Variants in GRIP1 observed in about 807,000 individuals in gnomAD.
GRIP1 encodes the protein glutamate receptor-interacting protein 1.
GRIP1 carries 45 observed loss-of-function variants against 129.9 expected under a neutral mutation model. The observed-to-expected ratio is 0.35, with a 90% CI of 0.27 to 0.44. The LOEUF (loss-of-function observed/expected upper bound fraction) is 0.44, where lower values mean the gene tolerates loss of function less well. Among genes scored for constraint, GRIP1 ranks in the 20% least tolerant of loss-of-function variants. The probability of loss-of-function intolerance (pLI) is 1.00; values close to 1 mark genes in which losing one functional copy is unlikely to be tolerated. For synonymous variants in GRIP1, 530 were observed against 520.8 expected (o/e 1.02, Z -0.24); for missense variants, 1,196 against 1,396.8 (o/e 0.86, Z 2.29).
rs900207523 is a variant in GRIP1, at chr12:66,887,832, T to C, written c.58+181218A>G. ...GCCAGAGAAGATATTTATTCCTAGA[T>C]GCACCCTCCACCAAAAGAGAAAAAA... On this transcript the variant is annotated intron_variant, in intron 1 of 1. Coordinates refer to the GRIP1 transcript ENST00000643019. 5.3e-5 allele frequency among the ~76,000 whole-genome samples: 8 copies of C among 152,252 alleles called. 1 individual carries two copies. Among genetic ancestry groups the C allele is most frequent in the Non-Finnish European group, 1.2e-4 (8 of 68,014 alleles).
At chr12:66,548,396 A>C (rs1397574922) in intron 2 of GRIP1, among the ~76,000 whole-genome samples, 1 of 152,226 alleles carries the variant, frequency 6.6e-6, no homozygotes, top group African/African-American at 2.4e-5. Context: ...GCTCTCTTGA[A>C]AGCCATTACT....
chr12:66,551,835 G>A (rs1333389302), intron 2 of GRIP1, among the ~76,000 whole-genome samples: 1 of 152,096 alleles, frequency 6.6e-6, no homozygotes, highest in East Asian at 1.9e-4. Flanking sequence ...TCCTGCCTCA[G>A]CCTACCAAAG....
intron 23 of GRIP1, among the ~76,000 whole-genome samples, chr12:66,362,520 A>G (rs2054837700): frequency 6.6e-6 from 1 of 151,902 alleles, no homozygotes; most frequent in Non-Finnish European, 1.5e-5. Context: ...GAGGAGGAGG[A>G]CGATAGGACT....
chr12:66,581,232 A>T (rs2063365388), intron 2 of GRIP1, among the ~76,000 whole-genome samples: 1 of 152,134 alleles, frequency 6.6e-6, no homozygotes, highest in Non-Finnish European at 1.5e-5. Context: ...ACATACCAGA[A>T]TCTCTGGGAC....
intron 7 of GRIP1, among the ~76,000 whole-genome samples, chr12:66,492,623 A>G (rs977364626): frequency 8.5e-5 from 13 of 152,140 alleles, no homozygotes; most frequent in Non-Finnish European, 1.3e-4. Flanking sequence ...AATAAATAAA[A>G]TTTCCAATTT....
At chr12:66,394,406 T>A in intron 16 of GRIP1, 54 bp from the exon 17 acceptor site, 1 of 1,387,576 alleles carries the variant, frequency 7.2e-7, no homozygotes, top group South Asian at 1.2e-5. Context: ...AGCAAAAGAG[T>A]AAGATGCATA....
At chr12:66,409,588 C>A (rs527722317) in intron 15 of GRIP1, among the ~76,000 whole-genome samples, 1 of 152,346 alleles carries the variant, frequency 6.6e-6, no homozygotes, top group East Asian at 1.9e-4. Flanking sequence ...CAAGCCCAGA[C>A]TGCAAAGACT....
intron 1 of GRIP1, among the ~76,000 whole-genome samples, chr12:66,965,660 C>CA: frequency 6.6e-6 from 1 of 150,704 alleles, no homozygotes; most frequent in Non-Finnish European, 1.5e-5. Flanking sequence ...TCCACACAAG[C>CA]CACTCCATGC....
chr12:66,350,261 G>T (rs1454923996), intron 24 of GRIP1, among the ~76,000 whole-genome samples: 3 of 152,010 alleles, frequency 2.0e-5, no homozygotes, highest in African/African-American at 7.2e-5. Flanking sequence ...ACTTTGGGAG[G>T]CTGAGGTGGG....
At chr12:66,869,160 C>A (rs1282004824) in intron 1 of GRIP1, among the ~76,000 whole-genome samples, 1 of 151,908 alleles carries the variant, frequency 6.6e-6, no homozygotes, top group African/African-American at 2.4e-5. Flanking sequence ...TTCTATTCAT[C>A]TAGTATTCCC....
chr12:66,712,601 AT>A (rs1215635326), intron 1 of GRIP1, among the ~76,000 whole-genome samples: 2 of 152,030 alleles, frequency 1.3e-5, no homozygotes, highest in Non-Finnish European at 2.9e-5. Flanking sequence ...AACGGAGAAT[AT>A]GCAGATGAAA....
At chr12:66,785,331 C>CATATATAT (rs1180271589) in intron 1 of GRIP1, among the ~76,000 whole-genome samples, 8 of 35,050 alleles carry the variant, frequency 2.3e-4, no homozygotes, top group Admixed American at 4.9e-4. Context: ...TACATACATA[C>CATATATAT]ATACATACAT....
chr12:66,905,023 G>C (rs1461921045), intron 1 of GRIP1, among the ~76,000 whole-genome samples: 3 of 152,202 alleles, frequency 2.0e-5, no homozygotes, highest in African/African-American at 7.2e-5. Flanking sequence ...ACCATCCCAA[G>C]TCCTTAGATA....
intron 5 of GRIP1, among the ~76,000 whole-genome samples, chr12:66,520,927 T>G (rs778576246): frequency 9.2e-5 from 14 of 152,202 alleles, no homozygotes; most frequent in Non-Finnish European, 2.1e-4. Flanking sequence ...CAAAACAGAT[T>G]TGTATATATC....
At chr12:66,507,722 T>C (rs2060572794) in intron 7 of GRIP1, among the ~76,000 whole-genome samples, 1 of 152,182 alleles carries the variant, frequency 6.6e-6, no homozygotes, top group African/African-American at 2.4e-5. Context: ...CCCATGTAGC[T>C]GCTGGGCAAA....
intron 1 of GRIP1, among the ~76,000 whole-genome samples, chr12:66,628,229 A>G (rs139339849): frequency 1.3e-5 from 2 of 152,302 alleles, no homozygotes; most frequent in East Asian, 3.9e-4. Flanking sequence ...CAGATACCAG[A>G]GAACATGGCT....
intron 1 of GRIP1, among the ~76,000 whole-genome samples, chr12:66,767,582 A>AT (rs1161937526): frequency 2.0e-5 from 3 of 151,814 alleles, no homozygotes; most frequent in Non-Finnish European, 4.4e-5. Flanking sequence ...TAAAAAAAAA[A>AT]AAAGGCTTTA....
At chr12:66,992,993 G>A (rs569163600) in intron 1 of GRIP1, among the ~76,000 whole-genome samples, 20 of 152,052 alleles carry the variant, frequency 1.3e-4, no homozygotes, top group African/African-American at 3.9e-4. Context: ...ATGCACCTGT[G>A]GTCCCAGCTA....
intron 1 of GRIP1, among the ~76,000 whole-genome samples, chr12:66,653,314 G>A (rs1246958432): frequency 6.6e-6 from 1 of 152,048 alleles, no homozygotes; most frequent in African/African-American, 2.4e-5. Context: ...TAAAACCAGG[G>A]CCTTTATAAA....
Sources: gnomAD v4.1 joint callset for allele counts (sites outside exome capture counted in the v4.1 genomes callset) on GRCh38, gnomAD v4.1.1 for gene constraint, MANE v1.5 for transcripts, NCBI Gene and HGNC (gene_info 2026-07-23, HGNC 2026-07-21) for gene names.